The following LMTK2 variants were observed in gnomAD, a reference collection of about 807,000 sequenced individuals.
LMTK2 encodes serine/threonine-protein kinase LMTK2.
In LMTK2, 37 loss-of-function variants were observed where a neutral mutation model predicts 127.5. That is an observed-to-expected ratio of 0.29 (90% CI 0.22 to 0.38). The LOEUF (loss-of-function observed/expected upper bound fraction) is 0.38, where lower values mean the gene tolerates loss of function less well. LMTK2 is among the 10% of genes least tolerant of loss of function. The pLI, the probability that LMTK2 is intolerant of heterozygous loss-of-function variation, is 1.00. For synonymous variants in LMTK2, 819 were observed against 810.1 expected (o/e 1.01, Z -0.19); for missense variants, 1,694 against 1,920.3 (o/e 0.88, Z 2.20).
chr7:98,158,677 A>G (rs1398573048), intron 5 of LMTK2, among the ~76,000 whole-genome samples: 2 of 152,228 alleles, frequency 1.3e-5, no homozygotes, highest in Non-Finnish European at 2.9e-5. Flanking sequence ...ATTAGGTATT[A>G]CAAGTAATCT....
intron 2 of LMTK2, among the ~76,000 whole-genome samples, 156 bp from the exon 3 acceptor site, chr7:98,141,241 G>C (rs1221941704): frequency 6.7e-6 from 1 of 149,276 alleles, no homozygotes; most frequent in African/African-American, 2.4e-5. Flanking sequence ...TCTGCTGTTT[G>C]GAGTCAGAGA....
chr7:98,112,251 G>C (rs1796210851), intron 1 of LMTK2, among the ~76,000 whole-genome samples: 1 of 152,096 alleles, frequency 6.6e-6, no homozygotes, highest in Admixed American at 6.5e-5. Context: ...AGGCTAGAGT[G>C]CAGTGGTGCG....
At chr7:98,112,477 T>C (rs936947305) in intron 1 of LMTK2, among the ~76,000 whole-genome samples, 1 of 152,230 alleles carries the variant, frequency 6.6e-6, no homozygotes, top group Non-Finnish European at 1.5e-5. Context: ...TGTAAACGTT[T>C]TAGAACGAAA....
chr7:98,179,105 C>A (rs1797314669), intron 7 of LMTK2, among the ~76,000 whole-genome samples: 2 of 152,236 alleles, frequency 1.3e-5, no homozygotes, highest in Admixed American at 1.3e-4. Context: ...CCTGGGAACA[C>A]CAGTTGCTTG....
At chr7:98,161,089 G>A (rs1797008651) in intron 6 of LMTK2, among the ~76,000 whole-genome samples, 1 of 151,978 alleles carries the variant, frequency 6.6e-6, no homozygotes, top group Admixed American at 6.6e-5. Context: ...TGAGATATTT[G>A]TAATTTTATC....
chr7:98,161,552 A>C (rs1388136487), intron 6 of LMTK2, among the ~76,000 whole-genome samples: 1 of 152,120 alleles, frequency 6.6e-6, no homozygotes, highest in African/African-American at 2.4e-5. Context: ...TATTTAGTAG[A>C]GGCATGAGAA....
At chr7:98,121,590 C>T (rs982516126) in intron 1 of LMTK2, among the ~76,000 whole-genome samples, 4 of 150,908 alleles carry the variant, frequency 2.7e-5, no homozygotes, top group African/African-American at 4.9e-5. Context: ...GCCGAGATTG[C>T]GCCACTGCAT....
intron 1 of LMTK2, among the ~76,000 whole-genome samples, chr7:98,136,450 T>G (rs991612798): frequency 4.6e-5 from 7 of 152,236 alleles, no homozygotes; most frequent in African/African-American, 1.2e-4. Flanking sequence ...TTGCATAGCC[T>G]CAAAGTTTCT....
At chr7:98,130,688 G>A (rs1381648396) in intron 1 of LMTK2, among the ~76,000 whole-genome samples, 5 of 152,182 alleles carry the variant, frequency 3.3e-5, no homozygotes, top group Non-Finnish European at 5.9e-5. Context: ...GAGGGGAGAT[G>A]ATGGGAAGAG....
chr7:98,126,416 A>C (rs1002913574), intron 1 of LMTK2: 1 of 152,282 alleles, frequency 6.6e-6, no homozygotes, highest in Non-Finnish European at 1.5e-5. Context: ...CCGTTCCTGC[A>C]TCGGCTTCCG....
chr7:98,205,146 C>T (rs1424773746), intron 13 of LMTK2, among the ~76,000 whole-genome samples: 1 of 152,202 alleles, frequency 6.6e-6, no homozygotes, highest in African/African-American at 2.4e-5. Flanking sequence ...GCTTTATTTC[C>T]CTCGGCGCTA....
intron 3 of LMTK2, among the ~76,000 whole-genome samples, chr7:98,142,360 G>A (rs1796711477): frequency 6.6e-6 from 1 of 152,052 alleles, no homozygotes; most frequent in Admixed American, 6.5e-5. Context: ...GACATAGTTG[G>A]TGCATTTCAT....
chr7:98,145,611 T>C (rs1796761541), intron 3 of LMTK2, among the ~76,000 whole-genome samples: 1 of 152,142 alleles, frequency 6.6e-6, no homozygotes, highest in Non-Finnish European at 1.5e-5. Context: ...TCTTTTCTTT[T>C]CTCTCTGCCT....
At position 98,192,566 on chromosome 7, in the gene LMTK2, C is replaced by G. The variant is rs767825037; in HGVS notation, c.2101C>G (p.Leu701Val). The G allele has an allele frequency of 1.2e-6, 2 of 1,613,160 alleles. No individual in the cohort carries two copies. The highest frequency in any genetic ancestry group is 1.3e-5 in the African/African-American group (1 of 74,902). Residue 701 changes from leucine to valine, a missense_variant, in exon 11 of 14, where the codon CTA (leucine) becomes GTA (valine). Coordinates refer to ENST00000297293, the MANE Select transcript of LMTK2 (RefSeq NM_014916.4). ...RKIFDSEPLC[L>V]SDNLMHQDNF... is the part of the protein sequence containing the mutation. ...GATTTTTGACAGTGAGCCTCTCTGC[C>G]TATCAGATAATCTTATGCACCAAGA...
chr7:98,109,783 A>G (rs1796173411), intron 1 of LMTK2, among the ~76,000 whole-genome samples: 1 of 151,622 alleles, frequency 6.6e-6, no homozygotes, highest in Non-Finnish European at 1.5e-5. Flanking sequence ...ATGCACAATC[A>G]GACATAGATA....
chr7:98,109,998 G>C (rs1237821091), intron 1 of LMTK2, among the ~76,000 whole-genome samples: 1 of 152,176 alleles, frequency 6.6e-6, no homozygotes, highest in African/African-American at 2.4e-5. Context: ...CCTAACTAAA[G>C]CTTCTGGTAA....
chr7:98,163,846 A>G (rs76397614), intron 6 of LMTK2, among the ~76,000 whole-genome samples: 3 of 148,002 alleles, frequency 2.0e-5, no homozygotes, highest in Admixed American at 1.4e-4. Context: ...AAAGGGCACA[A>G]AGGGCACAGA....
At chr7:98,123,732 T>C (rs766709313) in intron 1 of LMTK2, among the ~76,000 whole-genome samples, 1 of 149,774 alleles carries the variant, frequency 6.7e-6, no homozygotes, top group African/African-American at 2.5e-5. Context: ...CACACAGACA[T>C]ACACATGTAT....
chr7:98,108,954 C>A (rs1022956527), intron 1 of LMTK2, among the ~76,000 whole-genome samples: 1 of 148,932 alleles, frequency 6.7e-6, no homozygotes, highest in South Asian at 2.1e-4. Context: ...CCCCCCCCTT[C>A]CGAGTTCAAG....
Sources: allele counts gnomAD v4.1 joint callset (sites outside exome capture counted in the v4.1 genomes callset), GRCh38; gene constraint gnomAD v4.1.1; transcripts MANE v1.5; gene names NCBI Gene and HGNC (gene_info 2026-07-23, HGNC 2026-07-21).